ZDHHC15: variants seen among roughly 807,000 people sequenced by gnomAD.
ZDHHC15 encodes the protein palmitoyltransferase ZDHHC15.
In ZDHHC15, 19 loss-of-function variants were observed where a neutral mutation model predicts 31.7. The observed-to-expected ratio is 0.60, with a 90% confidence interval of 0.42 to 0.88. The LOEUF (loss-of-function observed/expected upper bound fraction) is 0.88, where lower values mean the gene tolerates loss of function less well. Ranked by LOEUF, ZDHHC15 falls within the 40% of genes least tolerant of loss-of-function variation. The pLI is 0.00. For missense variants in ZDHHC15, 209 were observed against 251.2 expected (o/e 0.83, Z 1.14); for synonymous variants, 103 against 90.0 (o/e 1.14, Z -0.82).
intron 2 of ZDHHC15, among the ~76,000 whole-genome samples, chrX:75,502,805 C>T (rs1038949794): frequency 6.3e-5 from 7 of 110,650 alleles, no homozygotes; most frequent in Admixed American, 9.7e-5. Flanking sequence ...TAGTATGATG[C>T]TGAATGAAAT....
At chrX:75,518,870 A>G (rs1332311167) in intron 1 of ZDHHC15, among the ~76,000 whole-genome samples, 2 of 99,428 alleles carry the variant, frequency 2.0e-5, no homozygotes, top group African/African-American at 7.3e-5. Context: ...TCAGCCATTA[A>G]AAGGGATAAA....
Position 75,424,346 on chromosome X carries a change from C to T in ZDHHC15, c.736+306G>A, listed in dbSNP as rs755167077. Among the ~76,000 whole-genome samples the T allele has an allele frequency of 3.6e-5, 4 of 111,263 alleles. No homozygotes were observed. The South Asian group carries it at 1.5e-3, about 42-fold the overall frequency. ...TCTTTCTTTAATTTCCTCATGTGAA[C>T]ACCTTTTAGAAATCTTCTGAGCTAT... On this transcript the variant is annotated intron_variant, in intron 8 of 11. Coordinates refer to ENST00000373367, the MANE Select transcript of ZDHHC15 (RefSeq NM_144969.3).
At chrX:75,453,073 CA>C (rs1044918662) in intron 3 of ZDHHC15, among the ~76,000 whole-genome samples, 10 of 111,390 alleles carry the variant, frequency 9.0e-5, no homozygotes, top group Non-Finnish European at 1.5e-4. Context: ...AAAAACCCTT[CA>C]AAAAATCAAT....
intron 3 of ZDHHC15, among the ~76,000 whole-genome samples, chrX:75,466,079 C>T (rs1372893007): frequency 2.7e-5 from 3 of 111,175 alleles, no homozygotes; most frequent in East Asian, 5.7e-4. Context: ...GTCTATTACA[C>T]AAGGAACTTA....
intron 2 of ZDHHC15, among the ~76,000 whole-genome samples, chrX:75,490,589 C>T (rs1448400621): frequency 9.0e-6 from 1 of 111,618 alleles, no homozygotes; most frequent in Non-Finnish European, 1.9e-5. Context: ...GGCAGTATGG[C>T]AATTTTCATG....
chrX:75,431,564 A>C, intron 4 of ZDHHC15, 44 bp from the exon 5 acceptor site: 1 of 1,100,555 alleles, frequency 9.1e-7, no homozygotes, highest in Non-Finnish European at 1.2e-6. Context: ...TTAGGGCTCA[A>C]TATAAGACCT....
At chrX:75,508,598 C>G (rs189369996) in intron 1 of ZDHHC15, among the ~76,000 whole-genome samples, 250 of 109,857 alleles carry the variant, frequency 2.3e-3, no homozygotes, top group African/African-American at 7.8e-3. Context: ...AATAGTGTTG[C>G]AATAAACACA....
chrX:75,409,545 C>T (rs2083460644), intron 10 of ZDHHC15, among the ~76,000 whole-genome samples: 1 of 103,228 alleles, frequency 9.7e-6, no homozygotes, highest in African/African-American at 3.6e-5. Context: ...GCCTGTAATC[C>T]CAGCACTTTG....
chrX:75,404,956 A>G (rs1329858163), intron 10 of ZDHHC15, among the ~76,000 whole-genome samples: 1 of 112,195 alleles, frequency 8.9e-6, no homozygotes, highest in African/African-American at 3.2e-5. Context: ...TGTTCACAAT[A>G]GCAAAGATGT....
intron 2 of ZDHHC15, among the ~76,000 whole-genome samples, chrX:75,495,353 CA>C (rs994327061): frequency 4.5e-5 from 5 of 111,633 alleles, no homozygotes; most frequent in African/African-American, 1.6e-4. Context: ...CTAGTTCACC[CA>C]TTGTGGAGGT....
At chrX:75,411,185 T>G (rs2083480875) in intron 10 of ZDHHC15, among the ~76,000 whole-genome samples, 1 of 102,225 alleles carries the variant, frequency 9.8e-6, no homozygotes, top group Non-Finnish European at 2.0e-5. Context: ...GATCAGTAGG[T>G]TGCCCATAGT....
At chrX:75,461,022 C>A (rs887112019) in intron 3 of ZDHHC15, among the ~76,000 whole-genome samples, 2 of 111,312 alleles carry the variant, frequency 1.8e-5, no homozygotes, top group Admixed American at 9.6e-5. Flanking sequence ...TAACCCAATG[C>A]AAAGAGGCTA....
chrX:75,497,090 G>A (rs766141383), intron 2 of ZDHHC15, among the ~76,000 whole-genome samples: 2 of 111,626 alleles, frequency 1.8e-5, no homozygotes, highest in Non-Finnish European at 3.8e-5. Flanking sequence ...GACCATTAGC[G>A]AGATTAACCA....
At position 75,395,736 on chromosome X, in the gene ZDHHC15, C is replaced by T. The variant is rs112832440; in HGVS notation, c.968-16538G>A. Among the ~76,000 whole-genome samples the T allele has an allele frequency of 5.3e-3, 589 of 111,448 alleles. 4 individuals carry two copies. The highest frequency in any genetic ancestry group is 0.019 in the African/African-American group (568 of 30,682). On this transcript the variant is annotated intron_variant, in intron 10 of 11. Transcript: ENST00000373367. Reference sequence around the variant, plus strand: ...CACAAAAGACCCAGAATAGCCAAAGCTATCCTGAGCAAAATAAACAAAACT... The same window carrying T: ...CACAAAAGACCCAGAATAGCCAAAGTTATCCTGAGCAAAATAAACAAAACT...
chrX:75,404,702 G>T (rs1377553043), intron 10 of ZDHHC15, among the ~76,000 whole-genome samples: 1 of 111,593 alleles, frequency 9.0e-6, no homozygotes, highest in African/African-American at 3.3e-5. Context: ...AGTCAGAATG[G>T]GTATTATAAT....
chrX:75,436,091 AT>A (rs2083848054), intron 4 of ZDHHC15, among the ~76,000 whole-genome samples: 1 of 111,163 alleles, frequency 9.0e-6, no homozygotes, highest in Non-Finnish European at 1.9e-5. Context: ...ATTTGCAGGA[AT>A]TTATCCATCT....
At chrX:75,401,584 G>T (rs899855467) in intron 10 of ZDHHC15, among the ~76,000 whole-genome samples, 6 of 111,813 alleles carry the variant, frequency 5.4e-5, no homozygotes, top group African/African-American at 2.0e-4. Context: ...AAAAGCGGGG[G>T]TTGCAATCCT....
chrX:75,450,953 T>G, intron 3 of ZDHHC15, 31 bp from the exon 4 acceptor site: 1 of 1,179,775 alleles, frequency 8.5e-7, no homozygotes. Flanking sequence ...TAAGACTTTA[T>G]TATCTAAAGT....
chrX:75,504,804 G>C (rs1056089965), intron 2 of ZDHHC15, among the ~76,000 whole-genome samples: 2 of 111,413 alleles, frequency 1.8e-5, no homozygotes, highest in African/African-American at 6.5e-5. Context: ...ACGAATAAGA[G>C]GCAACTCAAG....
Sources: allele counts gnomAD v4.1 joint callset (sites outside exome capture counted in the v4.1 genomes callset), GRCh38; gene constraint gnomAD v4.1.1; transcripts MANE v1.5; gene names NCBI Gene and HGNC (gene_info 2026-07-23, HGNC 2026-07-21).